Variants in FAT1 observed in about 807,000 individuals in gnomAD.
The protein encoded by FAT1 is FAT atypical cadherin 1.
FAT1 carries 171 observed loss-of-function variants against 329.8 expected under a neutral mutation model. The ratio of observed to expected loss-of-function variants is 0.52; its 90% CI spans 0.46 to 0.59. FAT1 has a LOEUF of 0.59. Ranked by LOEUF, FAT1 falls within the 20% of genes least tolerant of loss-of-function variation. The pLI is 0.00. For synonymous variants in FAT1, 2,233 were observed against 2,228.6 expected (o/e 1.00, Z -0.06); for missense variants, 5,672 against 5,774.4 (o/e 0.98, Z 0.57).
chr4:186,703,497 G>A (rs1744424283), intron 2 of FAT1, among the ~76,000 whole-genome samples: 1 of 152,172 alleles, frequency 6.6e-6, no homozygotes, highest in Non-Finnish European at 1.5e-5. Context: ...GGTAAAATAT[G>A]ACAAAAATTT....
intron 3 of FAT1, among the ~76,000 whole-genome samples, chr4:186,645,959 A>AT (rs1741355526): frequency 9.1e-6 from 1 of 109,818 alleles, no homozygotes; most frequent in Non-Finnish European, 1.9e-5. Context: ...AAAAAAAAAA[A>AT]AAAATATATA....
rs372697006 is a variant in FAT1 at position 186,616,911 on chromosome 4, T to C, written c.9075+94A>G. On this transcript the variant is annotated intron_variant, in intron 11 of 26. Transcript: ENST00000441802. ...AATCAGTAAGTGATCATAAAACACA[T>C]GTGAATTACACCACAGCGCCAAATG... 3,328 of 1,114,840 alleles carry C rather than the reference T, an allele frequency of 3.0e-3. 82 individuals carry two copies. The South Asian group carries it at 0.043, about 14-fold the overall frequency. 69.1% of individuals were successfully genotyped at this position (1,114,840 alleles called of 1,614,324 possible). A position where few individuals can be genotyped will look rare whatever the true frequency, so the allele number is the denominator to read the frequency against.
chr4:186,641,140 G>GT (rs372935522), intron 3 of FAT1, among the ~76,000 whole-genome samples: 1 of 152,102 alleles, frequency 6.6e-6, no homozygotes, highest in African/African-American at 2.4e-5. Flanking sequence ...TAATTCAAAG[G>GT]TTTTTTTCCT....
At chr4:186,604,079 T>C (rs1044860558) in intron 18 of FAT1, 102 bp from the exon 19 acceptor site, 3 of 855,844 alleles carry the variant, frequency 3.5e-6, no homozygotes, top group Non-Finnish European at 5.3e-6. Flanking sequence ...AATTACTAAC[T>C]GGTAGATACT....
chr4:186,725,411 T>A (rs759823534), upstream of FAT1, among the ~76,000 whole-genome samples: 21 of 152,178 alleles, frequency 1.4e-4, no homozygotes, highest in African/African-American at 3.6e-4. This position sits in a 1 kb window ranked among gnomAD's most constrained non-coding sequence, Gnocchi z 5.4. Context: ...GGATTTTTTT[T>A]AAATGGCACA....
chr4:186,593,046 G>T lies in FAT1; in HGVS notation c.13138+2643C>A, dbSNP rs150106697. Among the ~76,000 whole-genome samples the T allele has an allele frequency of 3.5e-3, 529 of 152,196 alleles. 2 individuals are homozygous for T. The highest frequency in any genetic ancestry group is 5.3e-3 in the Non-Finnish European group (357 of 68,000). On this transcript the variant is annotated intron_variant, in intron 26 of 26. Coordinates refer to ENST00000441802, the MANE Select transcript of FAT1 (RefSeq NM_005245.4). ...TAAATTTTTTCACAATTACAATTATGCATCATGCCAGGCCAAAACGATTCT... is the reference window on the plus strand; with the variant it reads ...TAAATTTTTTCACAATTACAATTATTCATCATGCCAGGCCAAAACGATTCT...
chr4:186,724,569 A>C (rs918816497), upstream of FAT1, among the ~76,000 whole-genome samples: 2 of 152,236 alleles, frequency 1.3e-5, no homozygotes, highest in African/African-American at 4.8e-5. The surrounding 1 kb of genome is among the most constrained non-coding windows in gnomAD (Gnocchi z 5.3). Context: ...AGGGGCCCCA[A>C]AGCGTGACCC....
chr4:186,673,799 A>G (rs1742834520), intron 2 of FAT1, among the ~76,000 whole-genome samples: 1 of 152,170 alleles, frequency 6.6e-6, no homozygotes, highest in Non-Finnish European at 1.5e-5. Flanking sequence ...TTCCCAGGGT[A>G]AGCTCTGCTA....
At chr4:186,622,826 T>C (rs918410765) in intron 9 of FAT1, among the ~76,000 whole-genome samples, 1 of 152,196 alleles carries the variant, frequency 6.6e-6, no homozygotes, top group African/African-American at 2.4e-5. Flanking sequence ...ATCCCTGTCA[T>C]AGCACAGAAT....
Position 186,614,276 on chromosome 4 carries a change from T to G in FAT1, c.9144A>C (p.Thr3048=), listed in dbSNP as rs755039381. Residue 3048 remains threonine (T), a synonymous_variant, in exon 12 of 27, where the codon ACA becomes ACC. Transcript: ENST00000441802. ...PGKLIMQISA[T]DADIRSNAEI... Reference sequence around the variant, plus strand: ...CAGCGTTAGAGCGGATGTCTGCGTCTGTAGCAGAGATCTGCATGATCAATT... The same window carrying G: ...CAGCGTTAGAGCGGATGTCTGCGTCGGTAGCAGAGATCTGCATGATCAATT... 2 of 1,601,992 alleles carry G rather than the reference T, an allele frequency of 1.2e-6. No individual in the cohort carries two copies. The highest frequency in any genetic ancestry group is 2.7e-5 in the African/African-American group (2 of 74,354).
chr4:186,596,721 G>T lies in FAT1; in HGVS notation c.12819C>A (p.Phe4273Leu). 2 of 1,613,976 alleles carry T rather than the reference G, an allele frequency of 1.2e-6. No individual in the cohort carries two copies. Among genetic ancestry groups the T allele is most frequent in the Non-Finnish European group, 8.5e-7 (1 of 1,179,874 alleles). The change falls in exon 25 of 27, where the codon TTC becomes TTA. Residue 4273 changes from phenylalanine to leucine, a missense_variant. By Grantham distance (22) the Phe-to-Leu change is conservative. This residue lies in a region of FAT1 where 1,706 missense variants were observed against 1,859.1 expected (regional missense o/e 0.92). Coordinates refer to ENST00000441802, the MANE Select transcript of FAT1 (RefSeq NM_005245.4). This position sits in a 1 kb window ranked among gnomAD's most constrained non-coding sequence, Gnocchi z 4.7. ...GATGCTCTGGGATAGCAGATCCTTC[G>T]AAGGAATTTCGGTCCAGATTGTTTC... The part of the protein sequence containing the change: ...DSRNNLDRNS[F>L]EGSAIPEHPE...
At chr4:186,625,503 AT>A (rs1740257899) in intron 9 of FAT1, among the ~76,000 whole-genome samples, 2 of 152,206 alleles carry the variant, frequency 1.3e-5, no homozygotes. Context: ...ATTTCCTCAA[AT>A]TTTTATTACA....
chr4:186,724,501 T>C (rs1423433942), upstream of FAT1, among the ~76,000 whole-genome samples: 1 of 152,160 alleles, frequency 6.6e-6, no homozygotes, highest in African/African-American at 2.4e-5. This position sits in a 1 kb window ranked among gnomAD's most constrained non-coding sequence, Gnocchi z 5.3. Context: ...CGCCCAGGCC[T>C]GTGGGACAAA....
In FAT1 at chr4:186,588,772, C is replaced by A. The variant is rs761495730; in HGVS notation, c.13587G>T (p.Ala4529=). 3.7e-6 allele frequency: 6 copies of A among 1,613,960 alleles called. No individual in the cohort carries two copies. Among genetic ancestry groups the A allele is most frequent in the South Asian group, 1.1e-5 (1 of 91,078 alleles). Residue 4529 remains alanine (A), a synonymous_variant, in exon 27 of 27, where the codon GCG becomes GCT. Transcript: ENST00000441802. ...YPPGYQRHFE[A]PAVESMPMSV... ...ACATGGGCATGCTCTCGACAGCGGGCGCCTCGAAGTGTCTTTGATACCCTG... is the reference window on the plus strand; with the variant it reads ...ACATGGGCATGCTCTCGACAGCGGGAGCCTCGAAGTGTCTTTGATACCCTG...
intron 2 of FAT1, among the ~76,000 whole-genome samples, chr4:186,664,617 C>T (rs577525007): frequency 4.6e-5 from 7 of 152,314 alleles, no homozygotes; most frequent in African/African-American, 1.7e-4. Flanking sequence ...AACTTAACTT[C>T]AAGCCAGGAT....
chr4:186,640,675 C>T (rs1234873379), intron 3 of FAT1, among the ~76,000 whole-genome samples: 1 of 152,168 alleles, frequency 6.6e-6, no homozygotes, highest in Non-Finnish European at 1.5e-5. Flanking sequence ...AAACAAATTT[C>T]CTATCAAACT....
At position 186,614,273 on chromosome 4, in the gene FAT1, G is replaced by A. The variant is rs747040724; in HGVS notation, c.9147C>T (p.Asp3049=). The change falls in exon 12 of 27, where the codon GAC becomes GAT. Residue 3049 remains aspartate, a synonymous_variant. Transcript: ENST00000441802. The part of the protein sequence containing the change: ...GKLIMQISAT[D]ADIRSNAEIT... ...TTTCAGCGTTAGAGCGGATGTCTGC[G>A]TCTGTAGCAGAGATCTGCATGATCA... The A allele has an allele frequency of 1.2e-5, 20 of 1,601,828 alleles. No individual in the cohort carries two copies. The highest frequency in any genetic ancestry group is 5.4e-5 in the African/African-American group (4 of 74,456).
At chr4:186,665,891 A>G (rs553470495) in intron 2 of FAT1, among the ~76,000 whole-genome samples, 132 of 152,214 alleles carry the variant, frequency 8.7e-4, no homozygotes, top group Admixed American at 1.6e-3. Flanking sequence ...TTGTAGAGAC[A>G]TGGATGAAGC....
At chr4:186,632,744 G>A (rs913572291) in intron 7 of FAT1, among the ~76,000 whole-genome samples, 6 of 152,110 alleles carry the variant, frequency 3.9e-5, no homozygotes, top group Non-Finnish European at 1.5e-5. Context: ...ATCTTTTAAT[G>A]CAGCTAAATG....
Sources: allele counts gnomAD v4.1 joint callset (sites outside exome capture counted in the v4.1 genomes callset), GRCh38; gene constraint gnomAD v4.1.1; regional missense constraint gnomAD v4.1.1; non-coding constraint Gnocchi (gnomAD v3.1); transcripts MANE v1.5; gene names NCBI Gene and HGNC (gene_info 2026-07-23, HGNC 2026-07-21).